Variants in NFATC4 observed in about 807,000 individuals in gnomAD.
The protein encoded by NFATC4 is nuclear factor of activated T-cells, cytoplasmic 4.
NFATC4 carries 25 observed loss-of-function variants against 73.4 expected under a neutral mutation model. The observed-to-expected ratio is 0.34, with a 90% CI of 0.25 to 0.48. NFATC4 has a LOEUF of 0.48. Ranked by LOEUF, NFATC4 falls within the 20% of genes least tolerant of loss-of-function variation. The pLI is 0.99. For synonymous variants in NFATC4, 523 were observed against 510.3 expected, an observed-to-expected ratio of 1.02 and a Z score of -0.34; for missense variants, 1,130 against 1,203.7, an observed-to-expected ratio of 0.94 and a Z score of 0.91.
At chr14:24,367,941 G>T, upstream of NFATC4, 1 of 1,248,522 alleles carries the variant, frequency 8.0e-7, no homozygotes, top group Non-Finnish European at 1.0e-6. Context: ...TCACAACGGC[G>T]GACCAATAGG....
chr14:24,367,310 C>A (rs1173073689), upstream of NFATC4: 1 of 1,549,830 alleles, frequency 6.5e-7, no homozygotes, highest in Non-Finnish European at 8.7e-7. Context: ...CCTAGTAAAC[C>A]TGGCAAGGAT....
intron 1 of NFATC4, 182 bp from the exon 2 acceptor site, chr14:24,369,317 C>T: frequency 6.3e-7 from 1 of 1,587,950 alleles, no homozygotes; most frequent in African/African-American, 1.3e-5. Context: ...CCTGGCATGC[C>T]TGCTTCAATC....
upstream of NFATC4, chr14:24,367,120 T>A (rs1379098062): frequency 1.2e-6 from 2 of 1,613,642 alleles, no homozygotes; most frequent in South Asian, 1.1e-5. Flanking sequence ...GAGTCACGAA[T>A]CTCCCATCTA....
intron 2 of NFATC4, among the ~76,000 whole-genome samples, chr14:24,370,901 G>A (rs2042458373): frequency 6.6e-6 from 1 of 152,276 alleles, no homozygotes; most frequent in South Asian, 2.1e-4. Flanking sequence ...AGCCTATAGA[G>A]TGCTCCCAAG....
chr14:24,367,115 A>G (rs368001425), upstream of NFATC4: 3 of 1,613,814 alleles, frequency 1.9e-6, no homozygotes, highest in Non-Finnish European at 2.5e-6. Flanking sequence ...CCACCGAGTC[A>G]CGAATCTCCC....
rs747438906 is a variant in NFATC4, at chr14:24,377,670, T to C, written c.2674T>C (p.Phe892Leu). The C allele has an allele frequency of 6.2e-7, 1 of 1,614,194 alleles. No homozygotes were observed. The highest frequency in any genetic ancestry group is 8.5e-7 in the Non-Finnish European group (1 of 1,180,028). The part of the protein sequence containing the change: ...SEIIGRDLSG[F>L]PAPPGEEPPA ...GATCATTGGCCGAGACCTGAGTGGC[T>C]TCCCTGCACCTCCTGGAGAAGAGCC... is the stretch of plus-strand genomic sequence containing the variant. Residue 892 changes from phenylalanine to leucine, a missense_variant, in exon 10 of 10, where the codon TTC becomes CTC. Phe to Leu is a conservative substitution (Grantham distance 22). Around this residue, in one of 3 missense-constraint regions of NFATC4, gnomAD observed 390 missense variants for 408.1 expected, o/e 0.96. Coordinates refer to ENST00000250373, the MANE Select transcript of NFATC4 (RefSeq NM_004554.5). The surrounding 1 kb of genome is among the most constrained non-coding windows in gnomAD (Gnocchi z 4.2).
At position 24,376,242 on chromosome 14, in the gene NFATC4, G is replaced by T. The variant is rs955546353; in HGVS notation, c.2057-52G>T. On this transcript the variant is annotated intron_variant, in intron 8 of 9. Coordinates refer to ENST00000250373, the MANE Select transcript of NFATC4 (RefSeq NM_004554.5). This position sits in a 1 kb window ranked among gnomAD's most constrained non-coding sequence, Gnocchi z 5.0. Reference sequence around the variant, plus strand: ...CAGGCAGCTGGAAGGTGTGCAGTGGGGAGACTACCAGACCTCTCACCAGCA... The same window carrying T: ...CAGGCAGCTGGAAGGTGTGCAGTGGTGAGACTACCAGACCTCTCACCAGCA... 13 of 1,560,770 alleles carry T rather than the reference G, an allele frequency of 8.3e-6. No homozygotes were observed. The Middle Eastern group carries it at 1.0e-3, about 125-fold the overall frequency.
chr14:24,372,774 T>C, intron 3 of NFATC4, 171 bp downstream of exon 3: 2 of 745,774 alleles, frequency 2.7e-6, no homozygotes, highest in Non-Finnish European at 4.4e-6. Flanking sequence ...CCGGATATAC[T>C]TTCTACTCCT....
In NFATC4 at chr14:24,377,455, T is replaced by C. The variant is rs2042654410; in HGVS notation, c.2642-183T>C. 1 of 1,430,278 alleles carries C rather than the reference T, an allele frequency of 7.0e-7. No homozygotes were observed. 88.6% of individuals were successfully genotyped at this position (1,430,278 alleles called of 1,614,324 possible). A position where few individuals can be genotyped will look rare whatever the true frequency, so the allele number is the denominator to read the frequency against. On this transcript the variant is annotated intron_variant, in intron 9 of 9. Transcript: ENST00000250373. This position sits in a 1 kb window ranked among gnomAD's most constrained non-coding sequence, Gnocchi z 4.2. Reference sequence around the variant, plus strand: ...CCCACATGGAGGGAGTTGGGCAAGATTTGATTCGGAGCAGGTGTCAAGACG... The same window carrying C: ...CCCACATGGAGGGAGTTGGGCAAGACTTGATTCGGAGCAGGTGTCAAGACG...
chr14:24,373,422 C>A lies in NFATC4; in HGVS notation c.1559+52C>A. 1.3e-6 allele frequency: 2 copies of A among 1,592,218 alleles called. No homozygotes were observed. Among genetic ancestry groups the A allele is most frequent in the East Asian group, 2.2e-5 (1 of 44,736 alleles). ...TCCGCAGGCTTTGTACTAGCTTTCT[C>A]CACTGGGCCTATGCTAGCCCACTTC... On this transcript the variant is annotated intron_variant, in intron 4 of 9. Transcript: ENST00000250373. This position sits in a 1 kb window ranked among gnomAD's most constrained non-coding sequence, Gnocchi z 4.7.
In NFATC4 at chr14:24,372,540, C is replaced by T; in HGVS notation, c.1296C>T (p.His432=). ...EVQPRAHHRA[H]YETEGSRGAV... ...AGCCTAGAGCCCACCACCGGGCCCA[C>T]TATGAGACAGAAGGCAGCCGTGGAG... is the stretch of plus-strand genomic sequence containing the variant. Residue 432 remains histidine, a synonymous_variant, in exon 3 of 10, where the codon CAC becomes CAT. Transcript: ENST00000250373. The T allele has an allele frequency of 6.2e-7, 1 of 1,614,104 alleles. No homozygotes were observed. The highest frequency in any genetic ancestry group is 8.5e-7 in the Non-Finnish European group (1 of 1,180,044).
Position 24,377,779 on chromosome 14 carries a change from T to A in NFATC4, c.*74T>A. ...TGCCCCCTTTCCCTCCTTCCTGGAG[T>A]GGTGGCTACAGAAGCTTGGGGCCAA... On this transcript the variant is annotated 3_prime_UTR_variant, in exon 10 of 10. Transcript: ENST00000250373. The surrounding 1 kb of genome is among the most constrained non-coding windows in gnomAD (Gnocchi z 4.2). 6.2e-7 allele frequency: 1 copy of A among 1,610,734 alleles called. No homozygotes were observed. Among genetic ancestry groups the A allele is most frequent in the South Asian group, 1.1e-5 (1 of 90,932 alleles).
At chr14:24,367,895 G>T, upstream of NFATC4, 1 of 1,332,638 alleles carries the variant, frequency 7.5e-7, no homozygotes, top group Non-Finnish European at 9.6e-7. Context: ...TGAGACTAGG[G>T]GAGGTGGGGG....
At position 24,373,502 on chromosome 14, in the gene NFATC4, C is replaced by T; in HGVS notation, c.1559+132C>T. ...TCCTAGGAGCTGGCTTCAGGCCTACCCACCATCTGGAAGAGGACTTTTGGG... is the reference window on the plus strand; with the variant it reads ...TCCTAGGAGCTGGCTTCAGGCCTACTCACCATCTGGAAGAGGACTTTTGGG... On this transcript the variant is annotated intron_variant, in intron 4 of 9. Transcript: ENST00000250373. This position sits in a 1 kb window ranked among gnomAD's most constrained non-coding sequence, Gnocchi z 4.7. The T allele has an allele frequency of 2.2e-6, 3 of 1,366,488 alleles. No homozygotes were observed. The highest frequency in any genetic ancestry group is 3.0e-6 in the Non-Finnish European group (3 of 997,148). The allele number at this position is 1,366,488 out of a possible 1,614,324, so 84.6% of individuals were successfully genotyped here.
rs763293431 is a variant in NFATC4 at position 24,376,531 on chromosome 14, T to C, written c.2294T>C (p.Phe765Ser). Reference sequence around the variant, plus strand: ...TCCTACAGACCGGGCCTGCGGATGTTCCCTGAGACTAGGGGTACCACAGGT... The same window carrying C: ...TCCTACAGACCGGGCCTGCGGATGTCCCCTGAGACTAGGGGTACCACAGGT... The part of the protein sequence containing the change: ...PPSYRPGLRM[F>S]PETRGTTGCA... The change falls in exon 9 of 10, where the codon TTC becomes TCC. Residue 765 changes from phenylalanine to serine, a missense_variant. Physicochemically the swap from Phe to Ser is radical, Grantham distance 155. This residue lies in a region of NFATC4 where 390 missense variants were observed against 408.1 expected (regional missense o/e 0.96). Transcript: ENST00000250373. This position sits in a 1 kb window ranked among gnomAD's most constrained non-coding sequence, Gnocchi z 5.0. 108 of 1,613,830 alleles carry C rather than the reference T, an allele frequency of 6.7e-5. No individual in the cohort carries two copies. Among genetic ancestry groups the C allele is most frequent in the Non-Finnish European group, 8.8e-5 (104 of 1,179,970 alleles).
At chr14:24,368,946 C>G in intron 1 of NFATC4, 1 of 761,760 alleles carries the variant, frequency 1.3e-6, no homozygotes, top group Non-Finnish European at 1.7e-6. Flanking sequence ...CCGCGCTGCC[C>G]GCTGCCCCCC....
chr14:24,368,883 A>G (rs1594699183), intron 1 of NFATC4: 2 of 189,412 alleles, frequency 1.1e-5, no homozygotes, highest in Non-Finnish European at 2.0e-5. Flanking sequence ...GGCCGCAATG[A>G]GAGGCAGATG....
chr14:24,367,292 T>G, upstream of NFATC4: 2 of 1,568,438 alleles, frequency 1.3e-6, no homozygotes, highest in Non-Finnish European at 1.7e-6. Context: ...GTCCGGAGGT[T>G]TCAGGCCCCT....
chr14:24,373,390 C>A lies in NFATC4; in HGVS notation c.1559+20C>A, dbSNP rs972564392. ...GGCCAAGTAAGTCCCATGCAACTTCCCCTCAGTCCGCAGGCTTTGTACTAG... is the reference window on the plus strand; with the variant it reads ...GGCCAAGTAAGTCCCATGCAACTTCACCTCAGTCCGCAGGCTTTGTACTAG... On this transcript the variant is annotated intron_variant, in intron 4 of 9. Transcript: ENST00000250373. The surrounding 1 kb of genome is among the most constrained non-coding windows in gnomAD (Gnocchi z 4.7). 1 of 1,612,682 alleles carries A rather than the reference C, an allele frequency of 6.2e-7. No homozygotes were observed. The highest frequency in any genetic ancestry group is 1.7e-5 in the Admixed American group (1 of 59,994).
Sources: gnomAD v4.1 joint callset for allele counts (sites outside exome capture counted in the v4.1 genomes callset) on GRCh38, gnomAD v4.1.1 for gene constraint, gnomAD v4.1.1 regional missense constraint, Gnocchi (gnomAD v3.1) non-coding constraint, MANE v1.5 for transcripts, NCBI Gene and HGNC (gene_info 2026-07-23, HGNC 2026-07-21) for gene names.